Variants in PIK3R3 observed in about 807,000 individuals in gnomAD.
PIK3R3 encodes the protein phosphatidylinositol 3-kinase regulatory subunit gamma.
In PIK3R3, 64 loss-of-function variants were observed where a neutral mutation model predicts 62.9. That is an observed-to-expected ratio of 1.02 (90% CI 0.83 to 1.25). The LOEUF (loss-of-function observed/expected upper bound fraction) is 1.25, where lower values mean the gene tolerates loss of function less well. Ranked by LOEUF, PIK3R3 falls within the 50% of genes most tolerant of loss-of-function variation. PIK3R3 has a pLI of 0.00. For missense variants in PIK3R3, 614 were observed against 561.6 expected (o/e 1.09, Z -0.94); for synonymous variants, 165 against 189.0 (o/e 0.87, Z 1.04).
intron 7 of PIK3R3, chr1:46,048,290 C>T: frequency 6.6e-6 from 1 of 152,206 alleles, no homozygotes; most frequent in South Asian, 2.1e-4. Flanking sequence ...CCCAAGTATA[C>T]AAGATAACTT....
intron 1 of PIK3R3, among the ~76,000 whole-genome samples, chr1:46,106,933 G>A (rs555729594): frequency 6.6e-6 from 1 of 151,924 alleles, no homozygotes; most frequent in South Asian, 2.1e-4. Context: ...GTGCAACCAC[G>A]CCTGGCTAAT....
chr1:46,068,012 C>A (rs1649160033), intron 3 of PIK3R3, among the ~76,000 whole-genome samples: 1 of 152,180 alleles, frequency 6.6e-6, no homozygotes, highest in Non-Finnish European at 1.5e-5. Context: ...CAGGCTTATG[C>A]CCCTAACTCT....
chr1:46,147,228 C>G, the PIK3R3 span, among the ~76,000 whole-genome samples: 1 of 152,200 alleles, frequency 6.6e-6, no homozygotes, highest in Admixed American at 6.5e-5. Context: ...CCTGCCTCAG[C>G]CTGTAGCTGG....
chr1:46,045,926 G>T lies in PIK3R3; in HGVS notation c.1179C>A (p.Cys393Ter). The T allele has an allele frequency of 1.2e-6, 2 of 1,612,812 alleles. No individual in the cohort carries two copies. Among genetic ancestry groups the T allele is most frequent in the South Asian group, 2.2e-5 (2 of 91,002 alleles). Residue 393 changes from cysteine (C) to a stop codon, truncating the protein, a stop_gained, in exon 9 of 10, where the codon TGC becomes TGA. Transcript: ENST00000262741. LOFTEE classifies it high-confidence loss of function. ...RESSKKGCYACSVVADGEVKH... is the reference protein window; with the variant it reads ...RESSKKGCYA ...CCCCAGAGAAGACTTACACCACAGA[G>T]CAAGCATAGCATCCTTTCTTGCTAC...
At chr1:46,123,172 CATAAT>C (rs1654824995) in intron 1 of PIK3R3, among the ~76,000 whole-genome samples, 1 of 152,168 alleles carries the variant, frequency 6.6e-6, no homozygotes, top group South Asian at 2.1e-4. Flanking sequence ...AAATAATTAT[CATAAT>C]ATAACACATG....
the PIK3R3 span, among the ~76,000 whole-genome samples, chr1:46,152,560 CT>C: frequency 5.1e-3 from 641 of 124,486 alleles, 4 homozygotes; most frequent in East Asian, 0.047. Flanking sequence ...TGATTAACAT[CT>C]TTTTTTTTTT....
At chr1:46,051,172 A>G (rs1647309338) in intron 7 of PIK3R3, among the ~76,000 whole-genome samples, 2 of 152,228 alleles carry the variant, frequency 1.3e-5, no homozygotes, top group South Asian at 2.1e-4. Context: ...TACACTTTAA[A>G]TGGGTGAACT....
chr1:46,141,606 T>C, the PIK3R3 span, among the ~76,000 whole-genome samples: 1 of 152,206 alleles, frequency 6.6e-6, no homozygotes, highest in Admixed American at 6.5e-5. Flanking sequence ...GTAGAGATCA[T>C]ATAATTTTAG....
At position 46,096,524 on chromosome 1, in the gene PIK3R3, A is replaced by G. The variant is rs1291512601; in HGVS notation, c.107-15774T>C. ...CCTCACAGGTAAGCTAAATTAAATT[A>G]GAATCTAACAAAGTATTTCTGTGTG... On this transcript the variant is annotated intron_variant, in intron 1 of 9. Transcript: ENST00000262741. 2.6e-5 allele frequency among the ~76,000 whole-genome samples: 4 copies of G among 152,284 alleles called. No individual in the cohort carries two copies. The East Asian group carries it at 7.7e-4, about 29-fold the overall frequency.
chr1:46,079,524 G>A (rs1650380360), intron 2 of PIK3R3, among the ~76,000 whole-genome samples: 2 of 152,128 alleles, frequency 1.3e-5, no homozygotes, highest in Admixed American at 1.3e-4. Context: ...TTAAGAGAAA[G>A]AAAGGTACAG....
chr1:46,054,950 T>C (rs1407172128), intron 7 of PIK3R3, among the ~76,000 whole-genome samples: 1 of 152,134 alleles, frequency 6.6e-6, no homozygotes, highest in Non-Finnish European at 1.5e-5. Context: ...TTGCCCAGGC[T>C]GGAGTGCAGT....
intron 3 of PIK3R3, among the ~76,000 whole-genome samples, chr1:46,070,803 T>C (rs1649412652): frequency 6.6e-6 from 1 of 152,196 alleles, no homozygotes. Flanking sequence ...ACATGGACTC[T>C]AAGCAGAGAT....
At chr1:46,087,466 A>T (rs1187703926) in intron 1 of PIK3R3, among the ~76,000 whole-genome samples, 1 of 152,120 alleles carries the variant, frequency 6.6e-6, no homozygotes, top group Non-Finnish European at 1.5e-5. Context: ...TTACCTAAAC[A>T]ATGAGCTGTC....
intron 7 of PIK3R3, among the ~76,000 whole-genome samples, chr1:46,047,777 G>T (rs190473997): frequency 5.3e-5 from 8 of 152,004 alleles, no homozygotes; most frequent in Admixed American, 2.0e-4. Context: ...TGTTTGTTTG[G>T]TTGGTTGGTT....
At chr1:46,066,229 T>A in intron 4 of PIK3R3, 50 bp from the exon 5 acceptor site, 1 of 1,296,652 alleles carries the variant, frequency 7.7e-7, no homozygotes, top group Non-Finnish European at 1.1e-6. Flanking sequence ...CTGACATATG[T>A]GGAAATAGAT....
the PIK3R3 span, among the ~76,000 whole-genome samples, chr1:46,169,673 G>A: frequency 2.2e-4 from 33 of 152,118 alleles, no homozygotes; most frequent in Admixed American, 1.9e-3. Flanking sequence ...GGGCGTGTGA[G>A]TAGAGGTCAG....
At chr1:46,168,605 G>A in the PIK3R3 span, among the ~76,000 whole-genome samples, 2 of 152,206 alleles carry the variant, frequency 1.3e-5, no homozygotes, top group Admixed American at 6.5e-5. Flanking sequence ...GGGCAGAGCC[G>A]GGCTGGAATC....
At chr1:46,158,490 C>T in the PIK3R3 span, among the ~76,000 whole-genome samples, 2 of 152,216 alleles carry the variant, frequency 1.3e-5, no homozygotes, top group Admixed American at 6.5e-5. Flanking sequence ...ATGAGCTCAC[C>T]TCTGAACTCC....
Position 46,041,405 on chromosome 1 carries a change from A to G in PIK3R3, c.*2268T>C. On this transcript the variant is annotated 3_prime_UTR_variant, in exon 10 of 10. Transcript: ENST00000262741. ...ATGAAGGAATGTAGGACTGAAAAAAAGCAGCCCTTCTCCACAAGCCAGCCC... is the reference window on the plus strand; with the variant it reads ...ATGAAGGAATGTAGGACTGAAAAAAGGCAGCCCTTCTCCACAAGCCAGCCC... 1 of 173,380 alleles carries G rather than the reference A, an allele frequency of 5.8e-6. No homozygotes were observed. Among genetic ancestry groups the G allele is most frequent in the Non-Finnish European group, 1.3e-5 (1 of 79,838 alleles). 10.7% of individuals were successfully genotyped at this position (173,380 alleles called of 1,614,324 possible). A position where few individuals can be genotyped will look rare whatever the true frequency, so the allele number is the denominator to read the frequency against.
Sources: allele counts gnomAD v4.1 joint callset (sites outside exome capture counted in the v4.1 genomes callset), GRCh38; gene constraint gnomAD v4.1.1; transcripts MANE v1.5; gene names NCBI Gene and HGNC (gene_info 2026-07-23, HGNC 2026-07-21).